Variants in ADGRB3 observed in about 807,000 individuals in gnomAD.
ADGRB3 encodes the protein brain-specific angiogenesis inhibitor 3.
In ADGRB3, 37 loss-of-function variants were observed where a neutral mutation model predicts 193.4. That is an observed-to-expected ratio of 0.19 (90% CI 0.15 to 0.25). The LOEUF (loss-of-function observed/expected upper bound fraction) is 0.25. Among genes scored for constraint, ADGRB3 ranks in the 10% least tolerant of loss-of-function variants. ADGRB3 has a pLI of 1.00. For missense variants in ADGRB3, 1,637 were observed against 1,852.9 expected, an observed-to-expected ratio of 0.88 and a Z score of 2.14; for synonymous variants, 690 against 644.2, an observed-to-expected ratio of 1.07 and a Z score of -1.08.
chr6:68,724,004 T>C (rs1428207763), intron 3 of ADGRB3, among the ~76,000 whole-genome samples: 1 of 151,602 alleles, frequency 6.6e-6, no homozygotes, highest in Non-Finnish European at 1.5e-5. Context: ...CTCAACAGTG[T>C]TACAGTTGAA....
chr6:68,896,563 T>C (rs191948042), intron 3 of ADGRB3, among the ~76,000 whole-genome samples: 1 of 152,284 alleles, frequency 6.6e-6, no homozygotes, highest in East Asian at 1.9e-4. Flanking sequence ...AAACTTTCTG[T>C]TACATTAAGC....
chr6:68,697,287 G>A (rs1765173679), intron 3 of ADGRB3, among the ~76,000 whole-genome samples: 2 of 151,834 alleles, frequency 1.3e-5, no homozygotes, highest in African/African-American at 2.4e-5. Context: ...TTAAAGTAAG[G>A]CTTTTGATAT....
intron 17 of ADGRB3, among the ~76,000 whole-genome samples, chr6:69,187,452 A>T (rs1486088887): frequency 6.6e-6 from 1 of 152,152 alleles, no homozygotes; most frequent in African/African-American, 2.4e-5. Context: ...ACTAGACAAT[A>T]ATCTGTATTA....
chr6:69,106,783 A>C (rs1420277382), intron 17 of ADGRB3, among the ~76,000 whole-genome samples: 2 of 152,256 alleles, frequency 1.3e-5, no homozygotes, highest in African/African-American at 4.8e-5. Context: ...CCAATGTGCT[A>C]TTGGCCATGT....
At chr6:68,864,087 C>T (rs1765228132) in intron 3 of ADGRB3, among the ~76,000 whole-genome samples, 1 of 151,924 alleles carries the variant, frequency 6.6e-6, no homozygotes, top group Non-Finnish European at 1.5e-5. Flanking sequence ...GGCTTTATAC[C>T]ATCTTATCAA....
chr6:69,274,827 G>A (rs1767265966), intron 20 of ADGRB3, among the ~76,000 whole-genome samples: 1 of 152,076 alleles, frequency 6.6e-6, no homozygotes, highest in East Asian at 1.9e-4. Flanking sequence ...CTTGCTGAAG[G>A]AGGGTCTGTG....
chr6:68,720,734 C>A (rs531303152), intron 3 of ADGRB3, among the ~76,000 whole-genome samples: 1 of 151,914 alleles, frequency 6.6e-6, no homozygotes, highest in South Asian at 2.1e-4. Context: ...CTTCTTCCCA[C>A]GGTTACCATA....
intron 1 of ADGRB3, 26 bp downstream of exon 1, chr6:68,636,026 C>G (rs1471477609): frequency 1.3e-5 from 2 of 152,464 alleles, no homozygotes; most frequent in Non-Finnish European, 2.9e-5. Context: ...CAGGGGTCAC[C>G]TTTTCTCTGC....
intron 20 of ADGRB3, among the ~76,000 whole-genome samples, chr6:69,312,483 A>G (rs73471330): frequency 0.013 from 2,006 of 151,808 alleles, 41 homozygotes; most frequent in African/African-American, 0.044. Flanking sequence ...GTACTTTTTT[A>G]TAGAAGTCCT....
chr6:68,848,666 A>C (rs1768337699), intron 3 of ADGRB3, among the ~76,000 whole-genome samples: 1 of 151,978 alleles, frequency 6.6e-6, no homozygotes, highest in Admixed American at 6.6e-5. Context: ...TAAATTCTAA[A>C]ATTTCTAAAT....
intron 3 of ADGRB3, among the ~76,000 whole-genome samples, chr6:68,898,090 G>A (rs1019049983): frequency 2.0e-5 from 3 of 151,296 alleles, no homozygotes; most frequent in Non-Finnish European, 4.4e-5. Flanking sequence ...TAGGATTATG[G>A]AGGCCAAAAA....
At chr6:69,378,663 A>G (rs1031992187) in intron 30 of ADGRB3, among the ~76,000 whole-genome samples, 3 of 152,066 alleles carry the variant, frequency 2.0e-5, no homozygotes, top group South Asian at 4.1e-4. Flanking sequence ...TGGGGCTAAA[A>G]GGAGATTAGA....
intron 20 of ADGRB3, among the ~76,000 whole-genome samples, chr6:69,241,363 T>C (rs963236190): frequency 3.4e-4 from 51 of 151,952 alleles, no homozygotes; most frequent in African/African-American, 1.1e-3. Flanking sequence ...AAAATATTAA[T>C]ACAATATTTT....
At position 68,812,888 on chromosome 6, in the gene ADGRB3, T is replaced by C. The variant is rs1485788145; in HGVS notation, c.758-117671T>C. Among the ~76,000 whole-genome samples, 4 of 149,886 alleles carry C rather than the reference T, an allele frequency of 2.7e-5. No homozygotes were observed. In the East Asian group the frequency reaches 6.1e-4, roughly 23 times the overall value. ...CCCTCCCTGTGTCCATGTGTTCTCA[T>C]TGTTAAACTCCCAGTTATGAGTGAG... On this transcript the variant is annotated intron_variant, in intron 3 of 31. Transcript: ENST00000370598.
chr6:69,268,266 T>TAATA (rs1465841117), intron 20 of ADGRB3, among the ~76,000 whole-genome samples: 1 of 152,160 alleles, frequency 6.6e-6, no homozygotes, highest in African/African-American at 2.4e-5. Context: ...ATTATAATTT[T>TAATA]GAAATCCAAG....
intron 3 of ADGRB3, among the ~76,000 whole-genome samples, chr6:68,846,898 C>A (rs1184326236): frequency 6.6e-6 from 1 of 152,110 alleles, no homozygotes; most frequent in African/African-American, 2.4e-5. Flanking sequence ...TCCGCTTGCA[C>A]CATGCACCTA....
At chr6:69,108,372 C>G (rs1561921374) in intron 17 of ADGRB3, among the ~76,000 whole-genome samples, 1 of 143,614 alleles carries the variant, frequency 7.0e-6, no homozygotes, top group Non-Finnish European at 1.5e-5. Context: ...TTGTAAATGG[C>G]ATGGCAAGCT....
intron 3 of ADGRB3, among the ~76,000 whole-genome samples, chr6:68,732,682 GT>G (rs1337378454): frequency 6.6e-6 from 1 of 151,918 alleles, no homozygotes; most frequent in Non-Finnish European, 1.5e-5. Context: ...GAAGGAGACC[GT>G]GAGACTCCAC....
chr6:69,347,047 T>G (rs6932340), intron 26 of ADGRB3, among the ~76,000 whole-genome samples: 90,483 of 152,000 alleles, frequency 0.6, 28,366 homozygotes, highest in African/African-American at 0.78. Flanking sequence ...ATGGTTTCAT[T>G]TCCTTTGCAG....
Sources: allele counts gnomAD v4.1 joint callset (sites outside exome capture counted in the v4.1 genomes callset), GRCh38; gene constraint gnomAD v4.1.1; transcripts MANE v1.5; gene names NCBI Gene and HGNC (gene_info 2026-07-23, HGNC 2026-07-21).